Variants in MARCHF11 observed in about 807,000 individuals in gnomAD.
MARCHF11 encodes the protein E3 ubiquitin-protein ligase MARCHF11.
MARCHF11 carries 29 observed loss-of-function variants against 37.3 expected under a neutral mutation model. The ratio of observed to expected loss-of-function variants is 0.78; its 90% CI spans 0.58 to 1.06. The LOEUF is 1.06. Ranked by LOEUF, MARCHF11 falls within the 50% of genes least tolerant of loss-of-function variation. The pLI is 0.00. For synonymous variants in MARCHF11, 233 were observed against 228.0 expected (o/e 1.02, Z -0.20); for missense variants, 482 against 533.4 (o/e 0.90, Z 0.95).
Position 16,150,120 on chromosome 5 carries a change from T to C in MARCHF11, c.693+27606A>G, listed in dbSNP as rs1737867561. 1.3e-5 allele frequency among the ~76,000 whole-genome samples: 2 copies of C among 149,448 alleles called. 1 individual carries two copies. Among genetic ancestry groups the C allele is most frequent in the African/African-American group, 5.1e-5 (2 of 38,932 alleles). ...GACACAGGTGTACATGTATAAAAGA[T>C]TTATCAAGTTATACAGTTTAGATTT... On this transcript the variant is annotated intron_variant, in intron 2 of 3. Coordinates refer to ENST00000332432, the MANE Select transcript of MARCHF11 (RefSeq NM_001102562.3).
intron 2 of MARCHF11, among the ~76,000 whole-genome samples, chr5:16,142,520 A>T (rs1737725517): frequency 6.6e-6 from 1 of 152,030 alleles, no homozygotes; most frequent in Non-Finnish European, 1.5e-5. Flanking sequence ...TGCCCTAAGG[A>T]ATCAAACTAC....
intron 2 of MARCHF11, among the ~76,000 whole-genome samples, chr5:16,151,867 T>C (rs7726990): frequency 0.11 from 16,568 of 151,800 alleles, 2,542 homozygotes; most frequent in African/African-American, 0.35. Flanking sequence ...TTTAGTTTTG[T>C]TTTTGTTGTT....
rs1278053461 is a variant in MARCHF11, at chr5:16,091,047, A to G, written c.728T>C (p.Val243Ala). 6 of 1,602,290 alleles carry G rather than the reference A, an allele frequency of 3.7e-6. No individual in the cohort carries two copies. The Admixed American group carries it at 5.1e-5, about 14-fold the overall frequency. ...TCCTAGGATTACAGCAATCATCTGA[A>G]CTTTCTCAACCAGTGTTATAGAAAT... ...QSISITLVEK[V>A]QMIAVILGSL... Residue 243 changes from valine to alanine, a missense_variant, in exon 3 of 4, where the codon GTT becomes GCT. Val to Ala is a moderately conservative substitution (Grantham distance 64, BLOSUM62 0). Coordinates refer to ENST00000332432, the MANE Select transcript of MARCHF11 (RefSeq NM_001102562.3).
chr5:16,085,593 G>C (rs1206254653), intron 3 of MARCHF11, among the ~76,000 whole-genome samples: 1 of 70,216 alleles, frequency 1.4e-5, no homozygotes, highest in African/African-American at 4.3e-5. Flanking sequence ...GGTGGGGTCG[G>C]GGGGGGGATA....
chr5:16,140,594 G>C (rs1737686343), intron 2 of MARCHF11, among the ~76,000 whole-genome samples: 2 of 152,090 alleles, frequency 1.3e-5, no homozygotes, highest in South Asian at 4.1e-4. Context: ...GAATGGTTTT[G>C]AACCTTTCTA....
intron 2 of MARCHF11, among the ~76,000 whole-genome samples, chr5:16,111,700 C>A (rs139538898): frequency 1.3e-5 from 2 of 152,138 alleles, no homozygotes; most frequent in East Asian, 3.9e-4. Flanking sequence ...TAACGAGGAG[C>A]CAAATGTTAA....
At chr5:16,070,627 G>A (rs1579671017) in intron 3 of MARCHF11, among the ~76,000 whole-genome samples, 2 of 152,190 alleles carry the variant, frequency 1.3e-5, no homozygotes, top group South Asian at 2.1e-4. Context: ...TCACTTTCTG[G>A]GAATATATTC....
chr5:16,103,371 G>A (rs1736991534), intron 2 of MARCHF11, among the ~76,000 whole-genome samples: 1 of 152,064 alleles, frequency 6.6e-6, no homozygotes, highest in Admixed American at 6.5e-5. Context: ...GAAATAGTGG[G>A]GTTTTATTGT....
At chr5:16,118,217 C>T (rs961725275) in intron 2 of MARCHF11, among the ~76,000 whole-genome samples, 4 of 152,186 alleles carry the variant, frequency 2.6e-5, no homozygotes, top group African/African-American at 7.2e-5. Flanking sequence ...TAAGCATGGC[C>T]GAGTCAGGCA....
intron 3 of MARCHF11, among the ~76,000 whole-genome samples, chr5:16,068,414 A>C (rs57512281): frequency 0.064 from 9,730 of 152,218 alleles, 976 homozygotes; most frequent in African/African-American, 0.22. Context: ...ACTAGCACTT[A>C]CCCCGTTTGG....
At chr5:16,117,816 TC>T (rs1182530798) in intron 2 of MARCHF11, among the ~76,000 whole-genome samples, 1 of 152,236 alleles carries the variant, frequency 6.6e-6, no homozygotes, top group East Asian at 1.9e-4. Context: ...TTCAATTTTT[TC>T]TTTATGCTGC....
chr5:16,071,532 G>A (rs1280789989), intron 3 of MARCHF11, among the ~76,000 whole-genome samples: 1 of 152,172 alleles, frequency 6.6e-6, no homozygotes, highest in Non-Finnish European at 1.5e-5. Context: ...AAATTTTGAA[G>A]TAGTGTGTTA....
intron 2 of MARCHF11, among the ~76,000 whole-genome samples, chr5:16,123,218 T>G (rs1440722896): frequency 3.9e-5 from 6 of 152,186 alleles, no homozygotes; most frequent in Non-Finnish European, 7.3e-5. Context: ...TGGCTGCATT[T>G]GGAGATAGGG....
intron 2 of MARCHF11, among the ~76,000 whole-genome samples, chr5:16,130,196 C>G (rs1264785426): frequency 6.6e-6 from 1 of 151,444 alleles, no homozygotes; most frequent in Non-Finnish European, 1.5e-5. Flanking sequence ...CACTTCTCAG[C>G]TAACAATTCA....
chr5:16,160,145 A>AT (rs1326695772), intron 2 of MARCHF11, among the ~76,000 whole-genome samples: 1 of 150,648 alleles, frequency 6.6e-6, no homozygotes, highest in Non-Finnish European at 1.5e-5. Context: ...TCTCTAAAGA[A>AT]TTTTTTCTTA....
intron 2 of MARCHF11, among the ~76,000 whole-genome samples, chr5:16,152,137 T>C (rs1737899816): frequency 6.6e-6 from 1 of 151,996 alleles, no homozygotes; most frequent in Non-Finnish European, 1.5e-5. Flanking sequence ...TCTATTTTAC[T>C]CTCAGTTATG....
chr5:16,097,921 C>T (rs1041340733), intron 2 of MARCHF11, among the ~76,000 whole-genome samples: 14 of 152,188 alleles, frequency 9.2e-5, no homozygotes, highest in Non-Finnish European at 1.6e-4. Context: ...TTTATGAGCA[C>T]GGATGAGAAG....
At chr5:16,094,141 G>A (rs1736826237) in intron 2 of MARCHF11, among the ~76,000 whole-genome samples, 1 of 152,114 alleles carries the variant, frequency 6.6e-6, no homozygotes, top group Non-Finnish European at 1.5e-5. Context: ...TAATTTCTCT[G>A]CCCACTATAT....
In MARCHF11 at chr5:16,139,556, C is replaced by A. The variant is rs1221067012; in HGVS notation, c.693+38170G>T. Among the ~76,000 whole-genome samples, 3 of 152,112 alleles carry A rather than the reference C, an allele frequency of 2.0e-5. No homozygotes were observed. The East Asian group carries it at 5.8e-4, about 29-fold the overall frequency. On this transcript the variant is annotated intron_variant, in intron 2 of 3. Transcript: ENST00000332432. ...AAATAACAGCTTGGGCAAAAGCATA[C>A]CAGACCAGTACCAACAAAAAAATCA...
Sources: gnomAD v4.1 joint callset for allele counts (sites outside exome capture counted in the v4.1 genomes callset) on GRCh38, gnomAD v4.1.1 for gene constraint, MANE v1.5 for transcripts, NCBI Gene and HGNC (gene_info 2026-07-23, HGNC 2026-07-21) for gene names.